JCAD: variants seen among roughly 807,000 people sequenced by gnomAD.
JCAD encodes the protein junctional cadherin 5 associated.
JCAD carries 40 observed loss-of-function variants against 98.0 expected under a neutral mutation model. That is an observed-to-expected ratio of 0.41 (90% CI 0.32 to 0.53). JCAD has a LOEUF of 0.53. Among genes scored for constraint, JCAD ranks in the 20% least tolerant of loss-of-function variants. The pLI is 0.31. For missense variants in JCAD, 1,705 were observed against 1,738.1 expected, an observed-to-expected ratio of 0.98 and a Z score of 0.34; for synonymous variants, 691 against 682.3, an observed-to-expected ratio of 1.01 and a Z score of -0.20.
intron 2 of JCAD, among the ~76,000 whole-genome samples, chr10:30,044,524 C>T (rs1042415419): frequency 3.9e-5 from 6 of 152,100 alleles, no homozygotes; most frequent in African/African-American, 1.4e-4. Flanking sequence ...CCCAGGTACC[C>T]CCTAGACCGG....
In JCAD at chr10:30,028,322, T is replaced by A. The variant is rs200444674; in HGVS notation, c.1826A>T (p.Gln609Leu). The change falls in exon 3 of 4, where the codon CAA becomes CTA. Residue 609 changes from glutamine (Q) to leucine (L), a missense_variant. Gln to Leu is a moderately radical substitution (Grantham distance 113, BLOSUM62 -2). This residue lies in a region of JCAD where 1,278 missense variants were observed against 1,243.1 expected (regional missense o/e 1.03). Coordinates refer to ENST00000375377, the MANE Select transcript of JCAD (RefSeq NM_020848.4). Reference protein sequence around the residue: ...DNNDLKPSADQKNGSDKSPAL... With the variant: ...DNNDLKPSADLKNGSDKSPAL... ...CGGGCTCTTATCAGACCCATTCTTT[T>A]GATCAGCACTGGGCTTTAAGTCATT... The A allele has an allele frequency of 6.2e-7, 1 of 1,614,128 alleles. No individual in the cohort carries two copies. The highest frequency in any genetic ancestry group is 1.3e-5 in the African/African-American group (1 of 74,942).
chr10:30,092,671 T>C (rs894402746), intron 1 of JCAD, among the ~76,000 whole-genome samples: 1 of 152,162 alleles, frequency 6.6e-6, no homozygotes, highest in South Asian at 2.1e-4. Context: ...GCCAGCACGT[T>C]GGATGCTTGG....
intron 2 of JCAD, among the ~76,000 whole-genome samples, chr10:30,043,875 G>A (rs1837287026): frequency 6.6e-6 from 1 of 152,230 alleles, no homozygotes; most frequent in African/African-American, 2.4e-5. Flanking sequence ...AGCAGCCATT[G>A]ATGGCCAGTG....
In JCAD at chr10:30,089,513, CGTGT is replaced by C. The variant is rs58665379; in HGVS notation, n.129-19696_129-19693del. On this transcript the variant is annotated intron_variant and non_coding_transcript_variant, in intron 1 of 2. Transcript: ENST00000465712. ...GAGTGTGAAATGTGGATGCTTCTTC[CGTGT>C]GTGTGTGTGTGTGTGTGTGTGTGTG... is the stretch of plus-strand genomic sequence containing the variant. Among the ~76,000 whole-genome samples, 1,341 of 142,952 alleles carry C rather than the reference CGTGT, an allele frequency of 9.4e-3. 30 individuals are homozygous for C. Among genetic ancestry groups the C allele is most frequent in the East Asian group, 0.047 (225 of 4,830 alleles). 93.8% of individuals were successfully genotyped at this position (142,952 alleles called of 152,430 possible). A position where few individuals can be genotyped will look rare whatever the true frequency, so the allele number is the denominator to read the frequency against.
At chr10:30,049,083 G>A (rs1056342068) in intron 1 of JCAD, among the ~76,000 whole-genome samples, 2 of 152,184 alleles carry the variant, frequency 1.3e-5, no homozygotes, top group Non-Finnish European at 2.9e-5. Context: ...AGGGAGAGCC[G>A]CCCTGTTTAT....
intron 1 of JCAD, among the ~76,000 whole-genome samples, chr10:30,056,863 T>C (rs2132654503): frequency 6.6e-6 from 1 of 152,260 alleles, no homozygotes; most frequent in East Asian, 1.9e-4. Context: ...CATTTAGTGT[T>C]TAAAGCATAT....
rs183363252 is a variant in JCAD at position 30,013,095 on chromosome 10, C to A, written c.*4788G>T. 6.6e-6 allele frequency: 1 copy of A among 152,302 alleles called. No homozygotes were observed. The highest frequency in any genetic ancestry group is 1.5e-5 in the Non-Finnish European group (1 of 68,072). 9.4% of individuals were successfully genotyped at this position (152,302 alleles called of 1,614,324 possible). On this transcript the variant is annotated 3_prime_UTR_variant, in exon 4 of 4. Transcript: ENST00000375377. ...ATTACCAATGGTGTCTTTCTGGGAC[C>A]CTTTCTACCTGTCTTAGGTATTAAT...
chr10:30,103,535 TTG>T (rs1838505896), intron 1 of JCAD, among the ~76,000 whole-genome samples: 1 of 152,014 alleles, frequency 6.6e-6, no homozygotes, highest in East Asian at 1.9e-4. Flanking sequence ...AATGTTAAAA[TTG>T]ATGTTAAAAT....
chr10:30,105,489 A>G (rs1228810550), intron 1 of JCAD, among the ~76,000 whole-genome samples: 1 of 151,400 alleles, frequency 6.6e-6, no homozygotes, highest in Non-Finnish European at 1.5e-5. Context: ...ACACCCAGCT[A>G]ATTTTTGTAT....
intron 1 of JCAD, among the ~76,000 whole-genome samples, chr10:30,091,331 T>G (rs1459479901): frequency 6.6e-6 from 1 of 152,150 alleles, no homozygotes; most frequent in East Asian, 1.9e-4. Context: ...TGGCGTCAGA[T>G]TTTTCTTGGA....
chr10:30,076,326 C>A (rs1837979814), intron 1 of JCAD, among the ~76,000 whole-genome samples: 1 of 152,046 alleles, frequency 6.6e-6, no homozygotes, highest in African/African-American at 2.4e-5. Flanking sequence ...CGTGCCCAGC[C>A]AACAGGGACT....
At chr10:30,074,931 T>C (rs2132675350) in intron 1 of JCAD, among the ~76,000 whole-genome samples, 1 of 152,270 alleles carries the variant, frequency 6.6e-6, no homozygotes, top group South Asian at 2.1e-4. Context: ...TTGCTAGGAC[T>C]ATGGGCACAT....
intron 2 of JCAD, among the ~76,000 whole-genome samples, chr10:30,034,249 T>C (rs990304126): frequency 7.3e-5 from 11 of 151,292 alleles, no homozygotes; most frequent in Non-Finnish European, 1.3e-4. Flanking sequence ...ATAATAATAA[T>C]GATAATAACA....
intron 1 of JCAD, among the ~76,000 whole-genome samples, chr10:30,092,353 T>A (rs1589715718): frequency 6.6e-6 from 1 of 151,334 alleles, no homozygotes; most frequent in Admixed American, 6.6e-5. Context: ...CTCATGTTGG[T>A]GTGTAACTCC....
intron 1 of JCAD, among the ~76,000 whole-genome samples, chr10:30,101,224 T>C (rs886313045): frequency 4.6e-5 from 7 of 152,060 alleles, no homozygotes; most frequent in African/African-American, 1.7e-4. Flanking sequence ...CTGGCCAATA[T>C]GGCAAAACCC....
intron 2 of JCAD, among the ~76,000 whole-genome samples, chr10:30,035,492 C>T (rs1398222175): frequency 3.3e-5 from 5 of 152,348 alleles, no homozygotes; most frequent in East Asian, 1.9e-4. Context: ...CAGGTGCAAG[C>T]GGACTCCCCA....
chr10:30,018,596 C>T (rs1299865078), intron 3 of JCAD, among the ~76,000 whole-genome samples: 2 of 152,134 alleles, frequency 1.3e-5, no homozygotes, highest in East Asian at 3.9e-4. Flanking sequence ...GCCCAGATGA[C>T]CTGGATTTCT....
chr10:30,074,458 G>C (rs1305742146), intron 1 of JCAD, among the ~76,000 whole-genome samples: 1 of 152,174 alleles, frequency 6.6e-6, no homozygotes, highest in Non-Finnish European at 1.5e-5. Context: ...GGGTCATGAG[G>C]GTTGCTGCTG....
chr10:30,110,536 A>G (rs1410822145), intron 1 of JCAD, among the ~76,000 whole-genome samples: 1 of 141,640 alleles, frequency 7.1e-6, no homozygotes, highest in Non-Finnish European at 1.6e-5. Flanking sequence ...CCTGATGTAT[A>G]GGACAGCTGA....
Sources: allele counts gnomAD v4.1 joint callset (sites outside exome capture counted in the v4.1 genomes callset), GRCh38; gene constraint gnomAD v4.1.1; regional missense constraint gnomAD v4.1.1; transcripts MANE v1.5; gene names NCBI Gene and HGNC (gene_info 2026-07-23, HGNC 2026-07-21).